Variants in GADL1 observed in about 807,000 individuals in gnomAD.
GADL1 encodes GAD like acidic amino acid decarboxylase 1.
In GADL1, 71 loss-of-function variants were observed where a neutral mutation model predicts 69.5. That is an observed-to-expected ratio of 1.02 (90% CI 0.84 to 1.25). GADL1 has a LOEUF of 1.25. GADL1 is among the 50% of genes most tolerant of loss of function. The pLI, the probability that GADL1 is intolerant of heterozygous loss-of-function variation, is 0.00. For missense variants in GADL1, 737 were observed against 631.8 expected, an observed-to-expected ratio of 1.17 and a Z score of -1.79; for synonymous variants, 254 against 214.4, an observed-to-expected ratio of 1.18 and a Z score of -1.62.
intron 14 of GADL1, among the ~76,000 whole-genome samples, chr3:30,731,564 T>C (rs1695457051): frequency 6.6e-6 from 1 of 152,214 alleles, no homozygotes; most frequent in African/African-American, 2.4e-5. Flanking sequence ...AATATAAAGA[T>C]ACTTTGGATG....
chr3:30,855,835 T>C (rs1698222553), intron 3 of GADL1, among the ~76,000 whole-genome samples: 1 of 148,350 alleles, frequency 6.7e-6, no homozygotes, highest in Admixed American at 6.8e-5. Context: ...TTTATTTTAG[T>C]TTTTTTTTTC....
chr3:30,759,116 T>A (rs1324526500), intron 14 of GADL1, among the ~76,000 whole-genome samples: 1 of 152,100 alleles, frequency 6.6e-6, no homozygotes, highest in African/African-American at 2.4e-5. Context: ...TTGGATTTAG[T>A]GCTGGCATCT....
chr3:30,829,047 C>T (rs1044127229), intron 11 of GADL1, among the ~76,000 whole-genome samples: 3 of 151,858 alleles, frequency 2.0e-5, no homozygotes, highest in Non-Finnish European at 4.4e-5. Flanking sequence ...CTGATACTGA[C>T]ATTTTTCTCC....
At chr3:30,786,476 CAA>C in intron 12 of GADL1, 70 bp from the exon 13 acceptor site, 4 of 814,524 alleles carry the variant, frequency 4.9e-6, no homozygotes, top group East Asian at 2.5e-5. Flanking sequence ...ACTGATATGA[CAA>C]AACTGATTCA....
At chr3:30,743,453 G>A (rs912232457) in intron 14 of GADL1, among the ~76,000 whole-genome samples, 9 of 152,276 alleles carry the variant, frequency 5.9e-5, no homozygotes, top group East Asian at 1.9e-4. Context: ...CTGTCACAGC[G>A]CCTGCTTTTA....
At chr3:30,753,952 C>CT (rs148050864) in intron 14 of GADL1, among the ~76,000 whole-genome samples, 2,922 of 152,246 alleles carry the variant, frequency 0.019, 85 homozygotes, top group African/African-American at 0.061. Context: ...GACATCACTA[C>CT]TGTTAGCACG....
At chr3:30,856,785 ATATT>A (rs1698236267) in intron 3 of GADL1, among the ~76,000 whole-genome samples, 1 of 152,010 alleles carries the variant, frequency 6.6e-6, no homozygotes, top group African/African-American at 2.4e-5. Flanking sequence ...GGAGAAGAGG[ATATT>A]TACATACAAA....
intron 14 of GADL1, among the ~76,000 whole-genome samples, chr3:30,777,270 C>T (rs536537999): frequency 2.0e-5 from 3 of 152,108 alleles, no homozygotes; most frequent in African/African-American, 7.2e-5. Flanking sequence ...AACGTTTTCC[C>T]CCTGAGGGTA....
At chr3:30,840,726 A>G (rs188527410) in intron 8 of GADL1, among the ~76,000 whole-genome samples, 1 of 152,210 alleles carries the variant, frequency 6.6e-6, no homozygotes, top group East Asian at 1.9e-4. Flanking sequence ...ACCTTTAAAA[A>G]AAGATCTCAT....
At chr3:30,846,512 G>A (rs1486016752) in intron 6 of GADL1, among the ~76,000 whole-genome samples, 1 of 151,672 alleles carries the variant, frequency 6.6e-6, no homozygotes, top group African/African-American at 2.4e-5. Context: ...CTCCAGTGCT[G>A]ACTAATTTGA....
At position 30,800,873 on chromosome 3, in the gene GADL1, AGAG is replaced by A. The variant is rs1697147689; in HGVS notation, c.1250+13_1250+15del. The A allele has an allele frequency of 6.3e-7, 1 of 1,580,260 alleles. No homozygotes were observed. The highest frequency in any genetic ancestry group is 1.3e-5 in the African/African-American group (1 of 74,362). ...CACAGAAAGAGAGAGAGAGAGAGAGAGAGAGAGGCTAGTACCTAGATAAAGCAA... is the reference window on the plus strand; with the variant it reads ...CACAGAAAGAGAGAGAGAGAGAGAGAAGAGGCTAGTACCTAGATAAAGCAA... On this transcript the variant is annotated intron_variant, in intron 12 of 14. Transcript: ENST00000282538.
At chr3:30,883,163 A>G (rs967183515) in intron 1 of GADL1, among the ~76,000 whole-genome samples, 39 of 151,866 alleles carry the variant, frequency 2.6e-4, no homozygotes, top group African/African-American at 9.2e-4. Context: ...ATGTAGTCTC[A>G]TTTGTCTATT....
At chr3:30,887,731 G>A (rs1012823841) in intron 1 of GADL1, among the ~76,000 whole-genome samples, 4 of 152,180 alleles carry the variant, frequency 2.6e-5, no homozygotes, top group South Asian at 2.1e-4. Flanking sequence ...CAAGCTGAAT[G>A]GCCCTGGTTC....
At chr3:30,791,653 G>C (rs1245136029) in intron 12 of GADL1, among the ~76,000 whole-genome samples, 1 of 151,472 alleles carries the variant, frequency 6.6e-6, no homozygotes, top group Non-Finnish European at 1.5e-5. Flanking sequence ...TCTGGGCTTT[G>C]TGTTGGGGTA....
intron 6 of GADL1, among the ~76,000 whole-genome samples, chr3:30,848,432 C>A (rs1353843438): frequency 6.6e-6 from 1 of 152,098 alleles, no homozygotes; most frequent in Non-Finnish European, 1.5e-5. Flanking sequence ...TGTCCTTTTG[C>A]AATAAGAAAC....
chr3:30,821,679 GAAGTTTTTTAAACTT>G lies in GADL1; in HGVS notation c.1050+12159_1050+12173del, dbSNP rs929022361. ...TAAACCTTAGAAAAAATCCCCAGTG[GAAGTTTTTTAAACTT>G]AAGTTTTTGAAAACTGGAAGAATAA... On this transcript the variant is annotated intron_variant, in intron 11 of 14. Coordinates refer to ENST00000282538, the MANE Select transcript of GADL1 (RefSeq NM_207359.3). Among the ~76,000 whole-genome samples the G allele has an allele frequency of 2.0e-4, 30 of 151,918 alleles. No homozygotes were observed. In the Middle Eastern group the frequency reaches 0.01, roughly 52 times the overall value.
At chr3:30,784,686 T>G (rs1471346606) in intron 13 of GADL1, among the ~76,000 whole-genome samples, 1 of 152,222 alleles carries the variant, frequency 6.6e-6, no homozygotes, top group African/African-American at 2.4e-5. Context: ...TTTTCTCTTG[T>G]CCTCTTCACT....
chr3:30,816,267 A>C (rs1697468148), intron 11 of GADL1, among the ~76,000 whole-genome samples: 2 of 152,090 alleles, frequency 1.3e-5, no homozygotes, highest in African/African-American at 4.8e-5. Context: ...CTTGAGCCTC[A>C]ACTGTTTCAT....
At chr3:30,758,039 C>T (rs189580148) in intron 14 of GADL1, among the ~76,000 whole-genome samples, 22 of 152,236 alleles carry the variant, frequency 1.4e-4, no homozygotes, top group Admixed American at 6.5e-4. Context: ...ATTTTATAGA[C>T]GAAACTTCTC....
Sources: allele counts gnomAD v4.1 joint callset (sites outside exome capture counted in the v4.1 genomes callset), GRCh38; gene constraint gnomAD v4.1.1; transcripts MANE v1.5; gene names NCBI Gene and HGNC (gene_info 2026-07-23, HGNC 2026-07-21).